Variants in CACUL1 observed in about 807,000 individuals in gnomAD.
The protein encoded by CACUL1 is CDK2-associated and cullin domain-containing protein 1.
In CACUL1, 13 loss-of-function variants were observed where a neutral mutation model predicts 45.2. The ratio of observed to expected loss-of-function variants is 0.29; its 90% CI spans 0.19 to 0.46. The LOEUF is 0.46. CACUL1 is among the 20% of genes least tolerant of loss of function. CACUL1 has a pLI of 1.00. For missense variants in CACUL1, 421 were observed against 471.4 expected, an observed-to-expected ratio of 0.89 and a Z score of 0.99; for synonymous variants, 197 against 174.2, an observed-to-expected ratio of 1.13 and a Z score of -1.03.
At chr10:118,730,927 G>A (rs1845692140) in intron 1 of CACUL1, among the ~76,000 whole-genome samples, 1 of 152,198 alleles carries the variant, frequency 6.6e-6, no homozygotes, top group African/African-American at 2.4e-5. Flanking sequence ...AACTTGCCGA[G>A]ATTTACAACA....
rs78075947 is a variant in CACUL1 at position 118,681,763 on chromosome 10, C to T, written c.*4365G>A. On this transcript the variant is annotated 3_prime_UTR_variant, in exon 9 of 9. Coordinates refer to ENST00000369151, the MANE Select transcript of CACUL1 (RefSeq NM_153810.5). Reference sequence around the variant, plus strand: ...AAACAGTACACATATTCATGCCACTCGGCTCTGAAAAGAGGTTCAAGGTGG... The same window carrying T: ...AAACAGTACACATATTCATGCCACTTGGCTCTGAAAAGAGGTTCAAGGTGG... 3,250 of 152,334 alleles carry T rather than the reference C, an allele frequency of 0.021. 213 individuals are homozygous for T. The highest frequency in any genetic ancestry group is 0.19 in the East Asian group (992 of 5,186). The allele number at this position is 152,334 out of a possible 1,614,324, so 9.4% of individuals were successfully genotyped here. A position where few individuals can be genotyped will look rare whatever the true frequency, so the allele number is the denominator to read the frequency against.
intron 1 of CACUL1, among the ~76,000 whole-genome samples, chr10:118,750,047 C>T (rs866010146): frequency 6.6e-6 from 1 of 152,220 alleles, no homozygotes; most frequent in African/African-American, 2.4e-5. Flanking sequence ...GAAAGGAGGG[C>T]CGGGCGTGGT....
rs1215804655 is a variant in CACUL1, at chr10:118,701,479, TA to T, written c.694-72del. On this transcript the variant is annotated intron_variant, in intron 4 of 8. Transcript: ENST00000369151. ...TGATTAGTCTAATGAACTGGAGCAC[TA>T]AATATTTTAGAAAACAATGCATAAA... The T allele has an allele frequency of 3.8e-6, 3 of 785,546 alleles. No homozygotes were observed. In the Admixed American group the frequency reaches 8.2e-5, roughly 21 times the overall value. 48.7% of individuals were successfully genotyped at this position (785,546 alleles called of 1,614,324 possible).
chr10:118,746,013 G>A (rs11198587), intron 1 of CACUL1, among the ~76,000 whole-genome samples: 42,507 of 151,014 alleles, frequency 0.28, 6,204 homozygotes, highest in East Asian at 0.39. Context: ...TTAGCTGGGC[G>A]TGGTGGCTGG....
chr10:118,732,386 C>T (rs1845705892), intron 1 of CACUL1, among the ~76,000 whole-genome samples: 2 of 152,296 alleles, frequency 1.3e-5, no homozygotes, highest in South Asian at 2.1e-4. Flanking sequence ...AGGAAGACTG[C>T]ACGAAAAGCT....
chr10:118,689,602 T>A (rs1845241459), intron 7 of CACUL1, among the ~76,000 whole-genome samples: 1 of 152,144 alleles, frequency 6.6e-6, no homozygotes, highest in Admixed American at 6.5e-5. Context: ...TAGTGCCATG[T>A]TTGTCCTTCA....
At chr10:118,751,086 C>T (rs1336693057) in intron 1 of CACUL1, among the ~76,000 whole-genome samples, 2 of 152,146 alleles carry the variant, frequency 1.3e-5, no homozygotes, top group East Asian at 1.9e-4. Context: ...TTTCTATAAG[C>T]TACTTATTAA....
At chr10:118,735,278 G>A (rs1845729940) in intron 1 of CACUL1, among the ~76,000 whole-genome samples, 1 of 152,140 alleles carries the variant, frequency 6.6e-6, no homozygotes, top group African/African-American at 2.4e-5. Flanking sequence ...CCTTTTAAGG[G>A]TTTTTTTGTT....
chr10:118,697,648 T>G (rs1355347277), intron 5 of CACUL1, among the ~76,000 whole-genome samples: 5 of 152,248 alleles, frequency 3.3e-5, no homozygotes, highest in African/African-American at 1.2e-4. Flanking sequence ...AAAATACTCT[T>G]GGCTTCAAAA....
intron 3 of CACUL1, among the ~76,000 whole-genome samples, chr10:118,718,248 T>C (rs969058187): frequency 1.3e-5 from 2 of 152,054 alleles, no homozygotes; most frequent in Non-Finnish European, 2.9e-5. Context: ...CTGCTGCTGA[T>C]GGAAGCACAG....
chr10:118,704,077 G>A (rs1004315552), intron 4 of CACUL1, among the ~76,000 whole-genome samples: 9 of 150,856 alleles, frequency 6.0e-5, no homozygotes, highest in East Asian at 3.9e-4. Context: ...GCGAGACTCC[G>A]TCTTAAAAAA....
At position 118,683,936 on chromosome 10, in the gene CACUL1, T is replaced by C. The variant is rs1014224937; in HGVS notation, c.*2192A>G. 3 of 152,326 alleles carry C rather than the reference T, an allele frequency of 2.0e-5. No individual in the cohort carries two copies. The highest frequency in any genetic ancestry group is 6.5e-5 in the Admixed American group (1 of 15,278). 9.4% of individuals were successfully genotyped at this position (152,326 alleles called of 1,614,324 possible). A position where few individuals can be genotyped will look rare whatever the true frequency, so the allele number is the denominator to read the frequency against. ...GTAGACTGGGAGACTATGTACAACC[T>C]TTCTATAGTGACTTCCAGTCAAGGT... On this transcript the variant is annotated 3_prime_UTR_variant, in exon 9 of 9. Coordinates refer to ENST00000369151, the MANE Select transcript of CACUL1 (RefSeq NM_153810.5).
chr10:118,732,865 TGAA>T (rs1199484240), intron 1 of CACUL1, among the ~76,000 whole-genome samples: 1 of 152,138 alleles, frequency 6.6e-6, no homozygotes, highest in Non-Finnish European at 1.5e-5. Context: ...CAAAGAAAAC[TGAA>T]AAAGAAATTA....
At chr10:118,730,699 C>G (rs1845690352) in intron 1 of CACUL1, among the ~76,000 whole-genome samples, 1 of 152,170 alleles carries the variant, frequency 6.6e-6, no homozygotes, top group South Asian at 2.1e-4. Flanking sequence ...TTCCTGTAAG[C>G]TTCTGTCATT....
intron 5 of CACUL1, among the ~76,000 whole-genome samples, chr10:118,696,471 G>A (rs886215741): frequency 1.3e-5 from 2 of 152,098 alleles, no homozygotes; most frequent in East Asian, 1.9e-4. Context: ...TGAAACCCCC[G>A]TCTCTACTAA....
At chr10:118,704,821 C>A (rs1845418296) in intron 4 of CACUL1, among the ~76,000 whole-genome samples, 1 of 152,196 alleles carries the variant, frequency 6.6e-6, no homozygotes, top group Non-Finnish European at 1.5e-5. Context: ...CAATAAAATT[C>A]TTCTCCACCC....
At chr10:118,690,590 T>C (rs1229056811) in intron 7 of CACUL1, among the ~76,000 whole-genome samples, 1 of 152,174 alleles carries the variant, frequency 6.6e-6, no homozygotes, top group African/African-American at 2.4e-5. Context: ...AGGGGAAGTA[T>C]GAAATACAGA....
intron 4 of CACUL1, among the ~76,000 whole-genome samples, chr10:118,706,573 C>T (rs1845434171): frequency 6.6e-6 from 1 of 152,164 alleles, no homozygotes; most frequent in Non-Finnish European, 1.5e-5. Context: ...CAATATTTTT[C>T]CTTAGTTTCA....
intron 3 of CACUL1, among the ~76,000 whole-genome samples, chr10:118,712,295 C>G (rs977892716): frequency 6.6e-6 from 1 of 152,176 alleles, no homozygotes. Flanking sequence ...CAAGTCAGTA[C>G]GTGGTGGTGC....
Sources: gnomAD v4.1 joint callset for allele counts (sites outside exome capture counted in the v4.1 genomes callset) on GRCh38, gnomAD v4.1.1 for gene constraint, MANE v1.5 for transcripts, NCBI Gene and HGNC (gene_info 2026-07-23, HGNC 2026-07-21) for gene names.